The following DAB1 variants were observed in gnomAD, a reference collection of about 807,000 sequenced individuals.
DAB1 encodes the protein disabled homolog 1.
In DAB1, 15 loss-of-function variants were observed where a neutral mutation model predicts 64.6. The observed-to-expected ratio is 0.23, with a 90% CI of 0.16 to 0.36. DAB1 has a LOEUF of 0.36. DAB1 is among the 10% of genes least tolerant of loss of function. The probability of loss-of-function intolerance (pLI) is 1.00; values close to 1 mark genes in which losing one functional copy is unlikely to be tolerated. For synonymous variants in DAB1, 235 were observed against 251.9 expected (o/e 0.93, Z 0.64); for missense variants, 596 against 706.7 (o/e 0.84, Z 1.78).
At chr1:57,730,703 G>A (rs1199259243) in intron 6 of DAB1, among the ~76,000 whole-genome samples, 1 of 152,174 alleles carries the variant, frequency 6.6e-6, no homozygotes, top group Non-Finnish European at 1.5e-5. Context: ...CTTCCTCTCT[G>A]ATCTACAGAA....
In DAB1 at chr1:57,905,110, G is replaced by C. The variant is rs577559948; in HGVS notation, n.388-20948C>G. Among the ~76,000 whole-genome samples, 7 of 152,008 alleles carry C rather than the reference G, an allele frequency of 4.6e-5. No homozygotes were observed. In the South Asian group the frequency reaches 1.5e-3, roughly 32 times the overall value. ...CATACAAAATAGGTACCATTATTAT[G>C]TTCATTTTATGGATGAAGAAACTGA... On this transcript the variant is annotated intron_variant and non_coding_transcript_variant, in intron 5 of 20. Coordinates refer to the DAB1 transcript ENST00000485760.
intron 2 of DAB1, among the ~76,000 whole-genome samples, chr1:57,274,730 A>T (rs1671316863): frequency 6.6e-6 from 1 of 152,034 alleles, no homozygotes; most frequent in African/African-American, 2.4e-5. Flanking sequence ...ACAGGCGAGC[A>T]CCACCACGCC....
intron 1 of DAB1, chr1:58,530,675 T>C (rs2100473802): frequency 1.1e-6 from 1 of 872,840 alleles, no homozygotes; most frequent in East Asian, 2.4e-5. Context: ...CAAATCATTG[T>C]GAGGAAAATC....
At chr1:58,499,489 GATAGATAGATAGATAGATAA>G (rs1436322190) in intron 3 of DAB1, among the ~76,000 whole-genome samples, 7 of 148,892 alleles carry the variant, frequency 4.7e-5, no homozygotes, top group African/African-American at 1.8e-4. Flanking sequence ...TAGATAGATA[GATAGATAGATAGATAGATAA>G]ATAGATAGAT....
At position 58,432,880 on chromosome 1, in the gene DAB1, C is replaced by G. The variant is rs1172207407; in HGVS notation, n.257+73180G>C. 2.0e-5 allele frequency among the ~76,000 whole-genome samples: 3 copies of G among 152,326 alleles called. No individual in the cohort carries two copies. The South Asian group carries it at 6.2e-4, about 32-fold the overall frequency. ...CTCCATGGCTGGAGTTCCTGCTCTG[C>G]GAGCCCTCCCCCCAGCCCCCTTCAC... On this transcript the variant is annotated intron_variant and non_coding_transcript_variant, in intron 3 of 20. Transcript: ENST00000485760.
At chr1:58,318,447 TAAG>T (rs1042918498) in intron 4 of DAB1, among the ~76,000 whole-genome samples, 35 of 152,222 alleles carry the variant, frequency 2.3e-4, no homozygotes, top group African/African-American at 7.2e-4. Context: ...GGGCTGACTC[TAAG>T]AAGGTCATCC....
intron 2 of DAB1, among the ~76,000 whole-genome samples, chr1:57,281,942 G>T (rs773148524): frequency 6.6e-6 from 1 of 152,038 alleles, no homozygotes; most frequent in Non-Finnish European, 1.5e-5. Flanking sequence ...AGCACTTTGG[G>T]AGGCTGAGGC....
chr1:57,973,840 C>T (rs987640258), intron 5 of DAB1, among the ~76,000 whole-genome samples: 11 of 152,152 alleles, frequency 7.2e-5, no homozygotes, highest in African/African-American at 2.7e-4. Flanking sequence ...ACCATTCTTG[C>T]CTCCCTATAG....
At chr1:57,186,943 T>G (rs1663625710) in intron 2 of DAB1, among the ~76,000 whole-genome samples, 1 of 152,216 alleles carries the variant, frequency 6.6e-6, no homozygotes, top group African/African-American at 2.4e-5. Context: ...TCATTTCTAT[T>G]TTGTCAATTT....
intron 4 of DAB1, among the ~76,000 whole-genome samples, chr1:58,255,397 G>A (rs964685230): frequency 1.2e-4 from 18 of 149,636 alleles, no homozygotes; most frequent in African/African-American, 2.7e-4. Flanking sequence ...ATGTCATCAC[G>A]TCTGTGAACT....
At chr1:57,078,138 G>A (rs1652160142) in intron 4 of DAB1, among the ~76,000 whole-genome samples, 2 of 152,086 alleles carry the variant, frequency 1.3e-5, no homozygotes, top group Admixed American at 1.3e-4. Flanking sequence ...CCAGCCCCCA[G>A]GCAACCCATC....
chr1:57,132,889 T>C (rs1467274419), intron 4 of DAB1, among the ~76,000 whole-genome samples: 5 of 152,122 alleles, frequency 3.3e-5, no homozygotes, highest in Non-Finnish European at 7.4e-5. Context: ...TGCTCTAATA[T>C]AGATAAAAGC....
chr1:57,001,318 C>A (rs959983778), intron 14 of DAB1, among the ~76,000 whole-genome samples: 2 of 152,110 alleles, frequency 1.3e-5, no homozygotes, highest in African/African-American at 2.4e-5. Flanking sequence ...TTTCTTTTGG[C>A]AGATTTGTCC....
At chr1:57,844,034 T>C (rs530897785) in intron 1 of DAB1, among the ~76,000 whole-genome samples, 4 of 152,346 alleles carry the variant, frequency 2.6e-5, no homozygotes, top group African/African-American at 9.6e-5. Flanking sequence ...ACACTATCTC[T>C]TTTCAATCTT....
chr1:58,089,005 T>C (rs1273383786), intron 5 of DAB1, among the ~76,000 whole-genome samples: 1 of 152,180 alleles, frequency 6.6e-6, no homozygotes, highest in African/African-American at 2.4e-5. Flanking sequence ...ACCTTAGCAT[T>C]CTAGTGTTTT....
intron 2 of DAB1, among the ~76,000 whole-genome samples, chr1:57,231,839 A>C (rs532205143): frequency 6.6e-6 from 1 of 152,320 alleles, no homozygotes; most frequent in South Asian, 2.1e-4. Flanking sequence ...TTTTAGGATA[A>C]AGACCCTCAA....
intron 4 of DAB1, among the ~76,000 whole-genome samples, chr1:58,151,205 C>T (rs1654917148): frequency 2.0e-5 from 3 of 152,182 alleles, no homozygotes; most frequent in South Asian, 2.1e-4. Flanking sequence ...TGGGTATATG[C>T]CCAGTAATGG....
chr1:57,389,132 C>T (rs1357233280), intron 1 of DAB1, among the ~76,000 whole-genome samples: 1 of 152,212 alleles, frequency 6.6e-6, no homozygotes, highest in Non-Finnish European at 1.5e-5. Context: ...CCTCTATTTA[C>T]CATTCTTGTT....
Position 57,643,710 on chromosome 1 carries a change from A to AT in DAB1, n.625+5881dup, listed in dbSNP as rs577314441. ...TTACTACTTCAAGATATTTATTTGT[A>AT]TTAAAAAATGTGTCCTGATTTGCCA... On this transcript the variant is annotated intron_variant and non_coding_transcript_variant, in intron 7 of 20. Transcript: ENST00000485760. Among the ~76,000 whole-genome samples the AT allele has an allele frequency of 9.8e-5, 15 of 152,318 alleles. No homozygotes were observed. In the East Asian group the frequency reaches 2.9e-3, roughly 29 times the overall value.
Sources: allele counts gnomAD v4.1 joint callset (sites outside exome capture counted in the v4.1 genomes callset), GRCh38; gene constraint gnomAD v4.1.1; transcripts MANE v1.5; gene names NCBI Gene and HGNC (gene_info 2026-07-23, HGNC 2026-07-21).